DCAF8L2: variants seen among roughly 807,000 people sequenced by gnomAD.
DCAF8L2 encodes the protein DDB1 and CUL4 associated factor 8 like 2, also known as DDB1- and CUL4-associated factor 8-like protein 2.
For synonymous variants in DCAF8L2, 200 were observed against 190.9 expected, an observed-to-expected ratio of 1.05 and a Z score of -0.39; for missense variants, 430 against 490.7, an observed-to-expected ratio of 0.88 and a Z score of 1.17.
the DCAF8L2 span, among the ~76,000 whole-genome samples, chrX:27,570,714 C>T: frequency 9.0e-6 from 1 of 111,692 alleles, no homozygotes; most frequent in Non-Finnish European, 1.9e-5. Context: ...GCAGCCTATT[C>T]GGGGCAGCTC....
the DCAF8L2 span, among the ~76,000 whole-genome samples, chrX:27,481,333 A>G: frequency 9.0e-6 from 1 of 110,901 alleles, no homozygotes; most frequent in Admixed American, 9.7e-5. Context: ...AGCTGAGATC[A>G]CACCATTGCA....
chrX:27,711,270 G>C (rs1257356308), intron 3 of DCAF8L2, among the ~76,000 whole-genome samples: 1 of 110,065 alleles, frequency 9.1e-6, no homozygotes, highest in Admixed American at 9.8e-5. Context: ...TTTTCTTTCT[G>C]TGTCTGGCGC....
At chrX:27,486,582 A>C in the DCAF8L2 span, among the ~76,000 whole-genome samples, 1 of 111,489 alleles carries the variant, frequency 9.0e-6, no homozygotes, top group African/African-American at 3.3e-5. Flanking sequence ...TGAAGTTTTG[A>C]AGTCATCACA....
the DCAF8L2 span, among the ~76,000 whole-genome samples, chrX:27,496,620 G>T: frequency 9.0e-6 from 1 of 111,439 alleles, no homozygotes; most frequent in Non-Finnish European, 1.9e-5. Context: ...ATCACCTTTC[G>T]ATTAACCATT....
At chrX:27,513,682 T>A in the DCAF8L2 span, among the ~76,000 whole-genome samples, 1 of 100,704 alleles carries the variant, frequency 9.9e-6, no homozygotes, top group African/African-American at 3.8e-5. Context: ...TACAGCCTGG[T>A]GACAGAGCAA....
chrX:27,507,472 G>A, the DCAF8L2 span, among the ~76,000 whole-genome samples: 2 of 111,541 alleles, frequency 1.8e-5, no homozygotes, highest in African/African-American at 3.2e-5. Context: ...CTCCTAAAGC[G>A]CAAACTATAA....
intron 1 of DCAF8L2, among the ~76,000 whole-genome samples, chrX:27,625,766 C>G (rs1340791020): frequency 2.7e-5 from 3 of 111,374 alleles, no homozygotes; most frequent in African/African-American, 9.8e-5. Flanking sequence ...GAACAGAAAA[C>G]CAAATACCAC....
At chrX:27,472,959 C>T in the DCAF8L2 span, among the ~76,000 whole-genome samples, 7 of 111,871 alleles carry the variant, frequency 6.3e-5, no homozygotes, top group Admixed American at 9.5e-5. Flanking sequence ...TTGACCCTTT[C>T]GCTTTTTGCA....
chrX:27,705,208 T>C (rs1469707875), intron 3 of DCAF8L2, among the ~76,000 whole-genome samples: 1 of 111,330 alleles, frequency 9.0e-6, no homozygotes, highest in Admixed American at 9.6e-5. Flanking sequence ...CTACCATTTA[T>C]GGGCATTTAG....
intron 3 of DCAF8L2, among the ~76,000 whole-genome samples, chrX:27,693,071 A>T (rs1359858944): frequency 8.9e-6 from 1 of 112,304 alleles, no homozygotes; most frequent in Non-Finnish European, 1.9e-5. Context: ...TGTGAATTAT[A>T]TTATGAGCCA....
the DCAF8L2 span, among the ~76,000 whole-genome samples, chrX:27,583,911 T>C: frequency 3.8e-3 from 419 of 111,729 alleles, no homozygotes; most frequent in Middle Eastern, 9.2e-3. Context: ...TCTTTCCATG[T>C]AGCCAGTAAC....
intron 2 of DCAF8L2, among the ~76,000 whole-genome samples, chrX:27,641,133 G>T (rs778749039): frequency 1.8e-5 from 2 of 111,359 alleles, no homozygotes; most frequent in African/African-American, 3.3e-5. Context: ...CAGAATATAA[G>T]GAAACATCAT....
chrX:27,592,415 TTG>T (rs1491349521), intron 1 of DCAF8L2, among the ~76,000 whole-genome samples: 7 of 50,284 alleles, frequency 1.4e-4, no homozygotes, highest in Admixed American at 1.0e-3. Flanking sequence ...TTGTTTGTTT[TTG>T]TTTTTTTTTT....
At chrX:27,654,712 AT>A (rs888009737) in intron 2 of DCAF8L2, among the ~76,000 whole-genome samples, 1 of 111,777 alleles carries the variant, frequency 8.9e-6, no homozygotes, top group African/African-American at 3.2e-5. Flanking sequence ...ACAGAAAAAA[AT>A]TTAAAATTGT....
the DCAF8L2 span, among the ~76,000 whole-genome samples, chrX:27,581,049 A>G: frequency 2.7e-5 from 3 of 112,168 alleles, no homozygotes; most frequent in Admixed American, 1.9e-4. Context: ...TCTTTTTTTC[A>G]TAGTAAGTCT....
chrX:27,706,092 C>T (rs1931334598), intron 3 of DCAF8L2, among the ~76,000 whole-genome samples: 1 of 110,931 alleles, frequency 9.0e-6, no homozygotes, highest in African/African-American at 3.3e-5. Flanking sequence ...TTGTCAAAGA[C>T]CAGATGCTTG....
intron 3 of DCAF8L2, among the ~76,000 whole-genome samples, chrX:27,713,835 G>A (rs1477883119): frequency 9.0e-6 from 1 of 111,307 alleles, no homozygotes; most frequent in African/African-American, 3.3e-5. Flanking sequence ...TGGGTTGTGG[G>A]CCTTAGTTTG....
intron 1 of DCAF8L2, among the ~76,000 whole-genome samples, chrX:27,609,055 C>A (rs1027379007): frequency 2.7e-5 from 3 of 111,554 alleles, no homozygotes; most frequent in Admixed American, 9.6e-5. Flanking sequence ...ACAAGTGATA[C>A]TGGAGACTTA....
intron 3 of DCAF8L2, among the ~76,000 whole-genome samples, chrX:27,704,173 T>TATATATATATATAC (rs757835089): frequency 2.3e-5 from 1 of 44,286 alleles, no homozygotes; most frequent in African/African-American, 1.5e-4. Context: ...TATATATATA[T>TATATATATATATAC]ACATATACAC....
Sources: gnomAD v4.1 joint callset for allele counts (sites outside exome capture counted in the v4.1 genomes callset) on GRCh38, gnomAD v4.1.1 for gene constraint, MANE v1.5 for transcripts, NCBI Gene and HGNC (gene_info 2026-07-23, HGNC 2026-07-21) for gene names.